The following KIR2DL3 variants were observed in gnomAD, a reference collection of about 807,000 sequenced individuals.
KIR2DL3 encodes killer cell immunoglobulin like receptor, two Ig domains and long cytoplasmic tail 3, also known as killer cell immunoglobulin-like receptor 2DL3.
A neutral mutation model predicts 33.8 loss-of-function variants in KIR2DL3; 39 were observed. The observed-to-expected ratio is 1.15, with a 90% CI of 0.89 to 1.51. The LOEUF (loss-of-function observed/expected upper bound fraction) is 1.51, where lower values mean the gene tolerates loss of function less well. Among genes scored for constraint, KIR2DL3 ranks in the 40% most tolerant of loss-of-function variants. The probability of loss-of-function intolerance (pLI) is 0.00; values close to 1 mark genes in which losing one functional copy is unlikely to be tolerated. For missense variants in KIR2DL3, 462 were observed against 426.2 expected (o/e 1.08, Z -0.74); for synonymous variants, 174 against 160.2 (o/e 1.09, Z -0.65).
At chr19:54,742,561 A>G (rs991095015) in intron 3 of KIR2DL3, among the ~76,000 whole-genome samples, 5 of 151,954 alleles carry the variant, frequency 3.3e-5, no homozygotes, top group African/African-American at 1.2e-4. Flanking sequence ...GTGTCCCTCC[A>G]TGCTGACTTT....
At chr19:54,748,662 T>C (rs2072947561) in intron 5 of KIR2DL3, among the ~76,000 whole-genome samples, 1 of 145,766 alleles carries the variant, frequency 6.9e-6, no homozygotes, top group African/African-American at 2.5e-5. Flanking sequence ...CCCTCTGTCT[T>C]CCAGGCTACA....
At position 54,746,373 on chromosome 19, in the gene KIR2DL3, C is replaced by T. The variant is rs1388759289; in HGVS notation, c.665-962C>T. On this transcript the variant is annotated intron_variant, in intron 4 of 7. Coordinates refer to ENST00000342376, the MANE Select transcript of KIR2DL3 (RefSeq NM_015868.3). ...CTTCACTTTGTTGGTTTATTTTTAG[C>T]GGTGCAGAAGTTGCTTAGTTTGAGG... Among the ~76,000 whole-genome samples, 12 of 139,886 alleles carry T rather than the reference C, an allele frequency of 8.6e-5. 1 individual carries two copies. The highest frequency in any genetic ancestry group is 2.0e-4 in the East Asian group (1 of 5,082). 91.8% of individuals were successfully genotyped at this position (139,886 alleles called of 152,430 possible). A position where few individuals can be genotyped will look rare whatever the true frequency, so the allele number is the denominator to read the frequency against.
chr19:54,744,954 A>ATATT (rs1398407460), intron 4 of KIR2DL3, among the ~76,000 whole-genome samples: 2 of 31,278 alleles, frequency 6.4e-5, no homozygotes, highest in African/African-American at 1.1e-4. Context: ...ATATATATAT[A>ATATT]TTTTTTTTTT....
At chr19:54,750,221 A>G (rs1555917560) in intron 5 of KIR2DL3, among the ~76,000 whole-genome samples, 1 of 133,012 alleles carries the variant, frequency 7.5e-6, no homozygotes, top group African/African-American at 2.8e-5. Context: ...GGAGATTCAG[A>G]TAGGCTATGG....
intron 5 of KIR2DL3, among the ~76,000 whole-genome samples, chr19:54,750,632 A>G (rs1355713395): frequency 7.3e-6 from 1 of 137,318 alleles, no homozygotes; most frequent in Non-Finnish European, 1.6e-5. Context: ...CTTCCCAGAG[A>G]AGACTCTAAA....
Position 54,742,115 on chromosome 19 carries a change from C to A in KIR2DL3, c.206C>A (p.Thr69Asn), listed in dbSNP as rs768736461. 7.4e-6 allele frequency: 12 copies of A among 1,613,978 alleles called. No homozygotes were observed. The highest frequency in any genetic ancestry group is 8.5e-6 in the Non-Finnish European group (10 of 1,179,974). The change falls in exon 3 of 8, where the codon ACT becomes AAT. Residue 69 changes from threonine to asparagine, a missense_variant. Physicochemically the swap from Thr to Asn is moderately conservative, Grantham distance 65. Transcript: ENST00000342376. ...LLHREGKFKD[T>N]LHLIGEHHDG... The stretch of plus-strand genomic sequence containing the variant: ...CACAGAGAAGGGAAGTTTAAGGACA[C>A]TTTGCACCTCATTGGAGAGCACCAT...
intron 2 of KIR2DL3, among the ~76,000 whole-genome samples, chr19:54,740,265 C>T (rs1373658385): frequency 6.6e-6 from 1 of 151,972 alleles, no homozygotes; most frequent in Non-Finnish European, 1.5e-5. Flanking sequence ...CTCCTTCTCC[C>T]CAAGGTGGTC....
At position 54,740,059 on chromosome 19, in the gene KIR2DL3, CT is replaced by C. The variant is rs1364212609; in HGVS notation, c.70+520del. Reference sequence around the variant, plus strand: ...CAGTATTAAAATCTAGTAGGAGTCTCTTTACTCAGCACTTGCTCAAAGTTCT... The same window carrying C: ...CAGTATTAAAATCTAGTAGGAGTCTCTTACTCAGCACTTGCTCAAAGTTCT... On this transcript the variant is annotated intron_variant, in intron 2 of 7. Coordinates refer to ENST00000342376, the MANE Select transcript of KIR2DL3 (RefSeq NM_015868.3). 4.6e-5 allele frequency among the ~76,000 whole-genome samples: 7 copies of C among 151,954 alleles called. No homozygotes were observed. The East Asian group carries it at 7.7e-4, about 17-fold the overall frequency.
chr19:54,752,362 T>G lies in KIR2DL3; in HGVS notation c.874-5T>G. The G allele has an allele frequency of 2.0e-6, 3 of 1,476,772 alleles. 1 individual carries two copies. The highest frequency in any genetic ancestry group is 2.8e-6 in the Non-Finnish European group (3 of 1,083,300). 91.5% of individuals were successfully genotyped at this position (1,476,772 alleles called of 1,614,324 possible). ...CTCCCTCACTCAGCATTTCCCTCTC[T>G]CCAGGACTCTGATGAACAAGACCCT... is the stretch of plus-strand genomic sequence containing the variant. On this transcript the variant is annotated splice_region_variant and splice_polypyrimidine_tract_variant and intron_variant, in intron 7 of 7. Transcript: ENST00000342376.
chr19:54,745,103 C>G (rs2072242064), intron 4 of KIR2DL3, among the ~76,000 whole-genome samples: 1 of 151,338 alleles, frequency 6.6e-6, no homozygotes, highest in South Asian at 2.1e-4. Context: ...CCAGTTCCAT[C>G]CATGTGGCTG....
chr19:54,743,669 T>C (rs2071625421), intron 3 of KIR2DL3, 126 bp from the exon 4 acceptor site: 3 of 953,346 alleles, frequency 3.1e-6, no homozygotes, highest in Non-Finnish European at 4.5e-6. Context: ...AGAGATGGGG[T>C]GGAGGGTGAG....
chr19:54,748,200 C>T (rs2072862978), intron 5 of KIR2DL3, among the ~76,000 whole-genome samples: 1 of 151,634 alleles, frequency 6.6e-6, no homozygotes, highest in Non-Finnish European at 1.5e-5. Flanking sequence ...TCACTCAGTG[C>T]CTTCTTCCTT....
rs1312469106 is a variant in KIR2DL3 at position 54,745,702 on chromosome 19, G to A, written c.664+1614G>A. 2.5e-4 allele frequency among the ~76,000 whole-genome samples: 38 copies of A among 151,774 alleles called. 1 individual carries two copies. In the South Asian group the frequency reaches 5.9e-3, roughly 23 times the overall value. On this transcript the variant is annotated intron_variant, in intron 4 of 7. Transcript: ENST00000342376. The stretch of plus-strand genomic sequence containing the variant: ...TTAAAGGACTTCCACACTTTTCTCC[G>A]TAAAGGCTGTACTAATTTACACTCC...
chr19:54,744,514 G>C (rs1335857831), intron 4 of KIR2DL3, among the ~76,000 whole-genome samples: 1 of 151,568 alleles, frequency 6.6e-6, no homozygotes, highest in South Asian at 2.1e-4. Context: ...TACCTATATA[G>C]CTTACCACCT....
At chr19:54,742,339 G>C in intron 3 of KIR2DL3, 60 bp downstream of exon 3, 2 of 1,590,340 alleles carry the variant, frequency 1.3e-6, no homozygotes, top group South Asian at 1.1e-5. Flanking sequence ...TCCACGACTT[G>C]GAACCCCCAG....
chr19:54,751,652 A>G lies in KIR2DL3; in HGVS notation c.719A>G (p.Asn240Ser). 1 of 1,497,252 alleles carries G rather than the reference A, an allele frequency of 6.7e-7. No homozygotes were observed. The highest frequency in any genetic ancestry group is 1.6e-5 in the African/African-American group (1 of 63,896). 92.7% of individuals were successfully genotyped at this position (1,497,252 alleles called of 1,614,324 possible). The change falls in exon 6 of 8, where the codon AAC (asparagine) becomes AGC (serine). Residue 240 changes from asparagine (N) to serine (S), a missense_variant. Physicochemically the swap from Asn to Ser is conservative, Grantham distance 46. Transcript: ENST00000342376. ...TTGGTGTCTCCTCTTCTTCCAGGTA[A>G]CCCCAGACACCTGCATGTTCTGATT... Reference protein sequence around the residue: ...SPTEPSSETGNPRHLHVLIGT... With the variant: ...SPTEPSSETGSPRHLHVLIGT...
intron 4 of KIR2DL3, among the ~76,000 whole-genome samples, 185 bp downstream of exon 4, chr19:54,744,273 A>G (rs10414825): frequency 0.06 from 9,116 of 151,684 alleles, 371 homozygotes; most frequent in African/African-American, 0.12. Flanking sequence ...GGCCTGCATG[A>G]AGGCCCGCGG....
chr19:54,747,426 G>A (rs2072715984), intron 5 of KIR2DL3, 41 bp downstream of exon 5: 2 of 1,600,110 alleles, frequency 1.2e-6, no homozygotes, highest in Non-Finnish European at 8.6e-7. Context: ...TGGAAACCTG[G>A]GGAGGTAGAA....
intron 1 of KIR2DL3, among the ~76,000 whole-genome samples, 154 bp from the exon 2 acceptor site, chr19:54,739,353 G>A (rs1366625537): frequency 5.9e-5 from 9 of 152,188 alleles, no homozygotes; most frequent in South Asian, 4.1e-4. Flanking sequence ...CTGCACAGCC[G>A]ACAGCCCTGT....
Sources: allele counts gnomAD v4.1 joint callset (sites outside exome capture counted in the v4.1 genomes callset), GRCh38; gene constraint gnomAD v4.1.1; transcripts MANE v1.5; gene names NCBI Gene and HGNC (gene_info 2026-07-23, HGNC 2026-07-21).